Variants in PIK3R1 observed in about 807,000 individuals in gnomAD.
PIK3R1 encodes the protein phosphatidylinositol 3-kinase regulatory subunit alpha.
Under a neutral mutation model 98.0 loss-of-function variants are expected in PIK3R1, and 29 were observed. The ratio of observed to expected loss-of-function variants is 0.30; its 90% CI spans 0.22 to 0.40. The LOEUF (loss-of-function observed/expected upper bound fraction) is 0.40, where lower values mean the gene tolerates loss of function less well. Among genes scored for constraint, PIK3R1 ranks in the 10% least tolerant of loss-of-function variants. The pLI is 1.00. For synonymous variants in PIK3R1, 282 were observed against 311.8 expected (o/e 0.90, Z 1.01); for missense variants, 596 against 872.7 (o/e 0.68, Z 3.99).
At chr5:68,274,171 C>G (rs1179675038) in intron 4 of PIK3R1, among the ~76,000 whole-genome samples, 158 bp downstream of exon 4, 1 of 152,198 alleles carries the variant, frequency 6.6e-6, no homozygotes, top group Admixed American at 6.5e-5. Flanking sequence ...GTTATGGTAA[C>G]AGTGCAAACC....
chr5:68,291,571 A>G (rs1016055508), intron 7 of PIK3R1: 14 of 152,290 alleles, frequency 9.2e-5, no homozygotes, highest in Non-Finnish European at 1.2e-4. Context: ...CAATTGGTAT[A>G]TATGAATACT....
rs1261523923 is a variant in PIK3R1 at position 68,301,765 on chromosome 5, T to G, written c.*4164T>G. The G allele has an allele frequency of 5.9e-6, 1 of 170,934 alleles. No homozygotes were observed. The highest frequency in any genetic ancestry group is 2.4e-5 in the African/African-American group (1 of 42,028). The allele number at this position is 170,934 out of a possible 1,614,324, so 10.6% of individuals were successfully genotyped here. ...AATGGAGCTATGTCTTGTTTTAAGT[T>G]GCTTTAATGCATTGTATTAGATCTT... is the stretch of plus-strand genomic sequence containing the variant. On this transcript the variant is annotated 3_prime_UTR_variant, in exon 16 of 16. Coordinates refer to ENST00000521381, the MANE Select transcript of PIK3R1 (RefSeq NM_181523.3).
chr5:68,284,735 C>G (rs1017334395), intron 7 of PIK3R1, among the ~76,000 whole-genome samples: 5 of 152,210 alleles, frequency 3.3e-5, no homozygotes, highest in African/African-American at 1.2e-4. Context: ...CTTTTGAGCT[C>G]TTCCTAGCAG....
At chr5:68,275,419 G>A (rs546580036) in intron 4 of PIK3R1, among the ~76,000 whole-genome samples, 1 of 152,174 alleles carries the variant, frequency 6.6e-6, no homozygotes, top group Non-Finnish European at 1.5e-5. Context: ...TTTAGTCACA[G>A]GAAGAGTTTA....
At chr5:68,261,525 A>G (rs1745747359) in intron 2 of PIK3R1, among the ~76,000 whole-genome samples, 1 of 152,198 alleles carries the variant, frequency 6.6e-6, no homozygotes, top group Non-Finnish European at 1.5e-5. Context: ...TCACAGAAAG[A>G]AAGCAATTGT....
chr5:68,248,990 T>C (rs1279969907), intron 2 of PIK3R1, among the ~76,000 whole-genome samples: 1 of 152,248 alleles, frequency 6.6e-6, no homozygotes, highest in African/African-American at 2.4e-5. Context: ...TACATAGTAT[T>C]GCAGCGTGAT....
At chr5:68,280,782 T>C in intron 6 of PIK3R1, 53 bp downstream of exon 6, 2 of 1,486,986 alleles carry the variant, frequency 1.3e-6, no homozygotes, top group Middle Eastern at 1.7e-4. Flanking sequence ...TAGTCCTAAA[T>C]GGATTGGTCA....
intron 2 of PIK3R1, among the ~76,000 whole-genome samples, chr5:68,262,621 A>ATCT: frequency 6.9e-6 from 1 of 144,764 alleles, no homozygotes; most frequent in Non-Finnish European, 1.5e-5. Flanking sequence ...ATACACATGT[A>ATCT]GATGCATGTA....
chr5:68,286,794 A>T (rs1273722267), intron 7 of PIK3R1, among the ~76,000 whole-genome samples: 1 of 152,240 alleles, frequency 6.6e-6, no homozygotes, highest in Non-Finnish European at 1.5e-5. Context: ...AGGTTTTGAC[A>T]TGAAACATCA....
At chr5:68,273,517 T>C (rs1231239354) in intron 3 of PIK3R1, 35 bp downstream of exon 3, 4 of 1,502,998 alleles carry the variant, frequency 2.7e-6, no homozygotes, top group Non-Finnish European at 3.7e-6. Flanking sequence ...AGTTCCTTTG[T>C]TCTACCCTTA....
At chr5:68,289,072 T>C (rs879419360) in intron 7 of PIK3R1, among the ~76,000 whole-genome samples, 4 of 152,084 alleles carry the variant, frequency 2.6e-5, no homozygotes, top group Non-Finnish European at 5.9e-5. Flanking sequence ...CCACAGAAGA[T>C]CCAACAGCCA....
intron 1 of PIK3R1, among the ~76,000 whole-genome samples, chr5:68,225,638 C>T (rs1302670782): frequency 6.6e-6 from 1 of 152,224 alleles, no homozygotes; most frequent in Non-Finnish European, 1.5e-5. Context: ...CTGCAACACA[C>T]CTTTCTCGCA....
At chr5:68,216,233 C>T (rs1743873857) in intron 1 of PIK3R1, among the ~76,000 whole-genome samples, 2 of 152,322 alleles carry the variant, frequency 1.3e-5, no homozygotes, top group African/African-American at 4.8e-5. Flanking sequence ...CCGCCGGTCG[C>T]ATTTGCCCCC....
At chr5:68,229,377 A>C (rs1444402367) in intron 2 of PIK3R1, among the ~76,000 whole-genome samples, 1 of 152,222 alleles carries the variant, frequency 6.6e-6, no homozygotes, top group Non-Finnish European at 1.5e-5. Context: ...TGAAGGCAAG[A>C]AATGATAGTT....
At chr5:68,217,625 T>TGGGG (rs769855461) in intron 1 of PIK3R1, 3 of 140,302 alleles carry the variant, frequency 2.1e-5, no homozygotes, top group African/African-American at 8.7e-5. Context: ...GAGTAATGTG[T>TGGGG]GGGGGTGTGT....
intron 4 of PIK3R1, among the ~76,000 whole-genome samples, chr5:68,279,374 AAT>A (rs1443347199): frequency 6.6e-6 from 1 of 152,112 alleles, no homozygotes; most frequent in Non-Finnish European, 1.5e-5. Flanking sequence ...AAGTGCTTGC[AAT>A]ATGTCAGAGA....
chr5:68,291,854 G>A (rs1006015324), intron 7 of PIK3R1: 1 of 155,162 alleles, frequency 6.4e-6, no homozygotes, highest in Admixed American at 6.4e-5. Flanking sequence ...TAAATAAGAG[G>A]AAATTAAAGC....
chr5:68,279,283 C>G (rs1746717352), intron 4 of PIK3R1, among the ~76,000 whole-genome samples: 1 of 152,066 alleles, frequency 6.6e-6, no homozygotes, highest in South Asian at 2.1e-4. Flanking sequence ...CCAATTCAGC[C>G]CATAACAAAG....
chr5:68,293,269 T>C lies in PIK3R1; in HGVS notation c.1119-34T>C, dbSNP rs768874321. Reference sequence around the variant, plus strand: ...TAAAACATATTTCCTTATTCCAAAATGTTAATACCTTTATTTTTATATTGT... The same window carrying C: ...TAAAACATATTTCCTTATTCCAAAACGTTAATACCTTTATTTTTATATTGT... On this transcript the variant is annotated intron_variant, in intron 9 of 15. Transcript: ENST00000521381. 1.9e-6 allele frequency: 3 copies of C among 1,596,818 alleles called. No individual in the cohort carries two copies. In the African/African-American group the frequency reaches 4.0e-5, roughly 22 times the overall value.
Sources: gnomAD v4.1 joint callset for allele counts (sites outside exome capture counted in the v4.1 genomes callset) on GRCh38, gnomAD v4.1.1 for gene constraint, MANE v1.5 for transcripts, NCBI Gene and HGNC (gene_info 2026-07-23, HGNC 2026-07-21) for gene names.